CNTN4: variants seen among roughly 807,000 people sequenced by gnomAD.
The protein encoded by CNTN4 is contactin-4.
A neutral mutation model predicts 122.5 loss-of-function variants in CNTN4; 77 were observed. That is an observed-to-expected ratio of 0.63 (90% CI 0.52 to 0.76). CNTN4 has a LOEUF of 0.76. CNTN4 is among the 30% of genes least tolerant of loss of function. The pLI, the probability that CNTN4 is intolerant of heterozygous loss-of-function variation, is 0.00. For synonymous variants in CNTN4, 512 were observed against 447.0 expected (o/e 1.15, Z -1.83); for missense variants, 1,256 against 1,259.1 (o/e 1.00, Z 0.04).
At chr3:2,340,399 G>T (rs1046367411) in intron 3 of CNTN4, among the ~76,000 whole-genome samples, 1 of 151,540 alleles carries the variant, frequency 6.6e-6, no homozygotes, top group Non-Finnish European at 1.5e-5. Context: ...AAAATTATTC[G>T]GTACAGGGTT....
At chr3:2,254,738 T>C (rs112374306) in intron 2 of CNTN4, among the ~76,000 whole-genome samples, 12,969 of 152,244 alleles carry the variant, frequency 0.085, 906 homozygotes, top group African/African-American at 0.19. Context: ...GATGGGGTTG[T>C]TTTTTTCTTG....
At chr3:2,586,412 C>T (rs2080207236) in intron 4 of CNTN4, among the ~76,000 whole-genome samples, 1 of 152,220 alleles carries the variant, frequency 6.6e-6, no homozygotes, top group Non-Finnish European at 1.5e-5. Context: ...CCTGCCTCAG[C>T]CTCCAGAGGA....
intron 14 of CNTN4, among the ~76,000 whole-genome samples, chr3:3,003,236 C>G (rs1696225680): frequency 6.6e-6 from 1 of 152,100 alleles, no homozygotes; most frequent in Admixed American, 6.6e-5. Flanking sequence ...TAGATACTGA[C>G]TTTAAAACTG....
intron 4 of CNTN4, among the ~76,000 whole-genome samples, chr3:2,632,410 G>A (rs879596156): frequency 6.6e-6 from 1 of 152,044 alleles, no homozygotes; most frequent in Non-Finnish European, 1.5e-5. Context: ...ATTAGATAAA[G>A]GACTTTTCCT....
intron 2 of CNTN4, among the ~76,000 whole-genome samples, chr3:2,129,736 C>T (rs1026996074): frequency 6.6e-6 from 1 of 151,552 alleles, no homozygotes; most frequent in Admixed American, 6.6e-5. Flanking sequence ...CCTTGAACAA[C>T]CTTTCTGGCT....
chr3:2,581,977 C>T (rs2079961310), intron 4 of CNTN4, among the ~76,000 whole-genome samples: 1 of 152,136 alleles, frequency 6.6e-6, no homozygotes, highest in Non-Finnish European at 1.5e-5. Context: ...ATAGTATTTT[C>T]CCAGAGCCAA....
chr3:2,910,510 T>A (rs1349244259), intron 12 of CNTN4, among the ~76,000 whole-genome samples: 1 of 152,174 alleles, frequency 6.6e-6, no homozygotes, highest in Non-Finnish European at 1.5e-5. Flanking sequence ...GGCAAAGTTT[T>A]TCATCAGTCA....
chr3:2,258,210 A>T (rs1169591909), intron 2 of CNTN4, among the ~76,000 whole-genome samples: 9 of 152,192 alleles, frequency 5.9e-5, no homozygotes, highest in Admixed American at 5.9e-4. Context: ...CTAGAACCAG[A>T]AACACCATTT....
intron 6 of CNTN4, among the ~76,000 whole-genome samples, chr3:2,781,880 C>CCGG (rs2091598101): frequency 1.7e-5 from 1 of 58,112 alleles, no homozygotes; most frequent in African/African-American, 5.6e-5. Context: ...GCCCGCACCA[C>CCGG]GCCCGGCTAA....
chr3:2,339,730 A>G (rs958415785), intron 3 of CNTN4, among the ~76,000 whole-genome samples: 1 of 151,522 alleles, frequency 6.6e-6, no homozygotes. Context: ...TTAATAAAAT[A>G]TATAGATGTA....
At chr3:2,416,655 G>A (rs921828610) in intron 3 of CNTN4, among the ~76,000 whole-genome samples, 3 of 152,098 alleles carry the variant, frequency 2.0e-5, no homozygotes, top group African/African-American at 4.8e-5. Flanking sequence ...TTCCAGTGTC[G>A]CAACTTTCTT....
rs138806475 is a variant in CNTN4, at chr3:2,172,647, G to T, written c.-145+72008G>T. On this transcript the variant is annotated intron_variant, in intron 2 of 24. Coordinates refer to ENST00000418658, the MANE Select transcript of CNTN4 (RefSeq NM_175607.3). The stretch of plus-strand genomic sequence containing the variant: ...TAGACTGACATTCTTTTCGTAGATG[G>T]TAGGGAGCTTTAAAGATTTCTGAAT... Among the ~76,000 whole-genome samples, 14 of 152,312 alleles carry T rather than the reference G, an allele frequency of 9.2e-5. No homozygotes were observed. The East Asian group carries it at 1.4e-3, about 15-fold the overall frequency.
intron 12 of CNTN4, among the ~76,000 whole-genome samples, chr3:2,908,168 T>A (rs563494112): frequency 2.6e-5 from 4 of 152,262 alleles, no homozygotes; most frequent in South Asian, 4.1e-4. Context: ...ACAATTAGAG[T>A]AAATAGAGTC....
At chr3:2,634,687 A>ATATAT (rs1553599101) in intron 4 of CNTN4, among the ~76,000 whole-genome samples, 6 of 133,140 alleles carry the variant, frequency 4.5e-5, no homozygotes, top group Admixed American at 2.3e-4. Context: ...AAAAAAAAAA[A>ATATAT]ATATATATAT....
chr3:2,970,684 A>G (rs893766708), intron 13 of CNTN4, among the ~76,000 whole-genome samples: 3 of 151,728 alleles, frequency 2.0e-5, no homozygotes, highest in Admixed American at 6.6e-5. Flanking sequence ...GGGCTCAACT[A>G]ATCCACCCAC....
chr3:2,472,706 C>T (rs1449640358), intron 3 of CNTN4, among the ~76,000 whole-genome samples: 5 of 152,184 alleles, frequency 3.3e-5, no homozygotes, highest in South Asian at 2.1e-4. Flanking sequence ...AATCCTTAAG[C>T]AGGCTCCATT....
At chr3:2,667,279 C>T (rs1226171216) in intron 4 of CNTN4, among the ~76,000 whole-genome samples, 3 of 152,206 alleles carry the variant, frequency 2.0e-5, no homozygotes, top group Non-Finnish European at 4.4e-5. Context: ...TAATGATTGC[C>T]ATTCTAACTG....
intron 4 of CNTN4, among the ~76,000 whole-genome samples, chr3:2,584,479 G>A (rs1379889897): frequency 2.0e-5 from 3 of 151,864 alleles, no homozygotes; most frequent in East Asian, 1.9e-4. Context: ...TGAGGCGGGC[G>A]GATCACCTGA....
At chr3:2,179,062 T>G (rs1283850957) in intron 2 of CNTN4, among the ~76,000 whole-genome samples, 6 of 152,138 alleles carry the variant, frequency 3.9e-5, no homozygotes, top group South Asian at 2.1e-4. Flanking sequence ...GTGCTCATAC[T>G]CCGAGGTAAT....
Sources: gnomAD v4.1 joint callset for allele counts (sites outside exome capture counted in the v4.1 genomes callset) on GRCh38, gnomAD v4.1.1 for gene constraint, MANE v1.5 for transcripts, NCBI Gene and HGNC (gene_info 2026-07-23, HGNC 2026-07-21) for gene names.